The following AFF2 variants were observed in gnomAD, a reference collection of about 807,000 sequenced individuals.
AFF2 encodes the protein ALF transcription elongation factor 2.
AFF2 carries 14 observed loss-of-function variants against 76.9 expected under a neutral mutation model. That is an observed-to-expected ratio of 0.18 (90% confidence interval 0.12 to 0.28). AFF2 has a LOEUF of 0.28. Among genes scored for constraint, AFF2 ranks in the 10% least tolerant of loss-of-function variants. AFF2 has a pLI of 1.00. For missense variants in AFF2, 868 were observed against 1,001.1 expected, an observed-to-expected ratio of 0.87 and a Z score of 1.79; for synonymous variants, 398 against 366.7, an observed-to-expected ratio of 1.09 and a Z score of -0.98.
intron 1 of AFF2, among the ~76,000 whole-genome samples, chrX:148,582,967 T>G (rs1193148724): frequency 1.5e-5 from 1 of 65,599 alleles, no homozygotes; most frequent in African/African-American, 4.4e-5. Context: ...TTGGACAACC[T>G]TGAAAACATG....
At chrX:148,764,849 A>G (rs1287710095) in intron 3 of AFF2, among the ~76,000 whole-genome samples, 1 of 111,744 alleles carries the variant, frequency 8.9e-6, no homozygotes, top group Non-Finnish European at 1.9e-5. Context: ...TGCGCATCCC[A>G]TTGACAAATT....
intron 3 of AFF2, among the ~76,000 whole-genome samples, chrX:148,746,682 A>C (rs1603293377): frequency 1.8e-5 from 2 of 112,829 alleles, no homozygotes; most frequent in East Asian, 5.6e-4. Context: ...CGTTTCCTGC[A>C]ACTTCCTATC....
intron 7 of AFF2, among the ~76,000 whole-genome samples, chrX:148,877,491 T>C (rs781822513): frequency 1.4e-3 from 155 of 112,833 alleles, no homozygotes; most frequent in Non-Finnish European, 2.5e-3. Flanking sequence ...TATAAATAAC[T>C]GAGCAACAAT....
intron 3 of AFF2, among the ~76,000 whole-genome samples, chrX:148,748,684 G>A (rs1557266261): frequency 1.8e-5 from 2 of 111,390 alleles, no homozygotes; most frequent in African/African-American, 3.3e-5. Context: ...TTGACTGGGG[G>A]GCTCAGAGAG....
intron 8 of AFF2, among the ~76,000 whole-genome samples, chrX:148,898,749 C>A (rs1468000268): frequency 9.0e-6 from 1 of 111,514 alleles, no homozygotes; most frequent in African/African-American, 3.3e-5. Context: ...AATGTCCAGG[C>A]CTATGAGTTT....
chrX:148,743,477 T>C (rs1210845671), intron 3 of AFF2, among the ~76,000 whole-genome samples: 1 of 112,396 alleles, frequency 8.9e-6, no homozygotes, highest in Non-Finnish European at 1.9e-5. Flanking sequence ...ATTTTGTTCT[T>C]CATGGCTTGT....
chrX:148,599,848 A>G (rs1429732738), intron 1 of AFF2, among the ~76,000 whole-genome samples: 1 of 111,941 alleles, frequency 8.9e-6, no homozygotes, highest in Non-Finnish European at 1.9e-5. Context: ...TCGAACTTGA[A>G]CAATTCATGC....
chrX:148,765,550 T>G (rs1557267635), intron 3 of AFF2, among the ~76,000 whole-genome samples: 1 of 111,673 alleles, frequency 9.0e-6, no homozygotes, highest in Admixed American at 9.5e-5. Context: ...TAGATCTTAG[T>G]TGTATAGCAT....
At chrX:148,701,012 A>AGAGAGTGTG (rs782232655) in intron 3 of AFF2, among the ~76,000 whole-genome samples, 6 of 73,731 alleles carry the variant, frequency 8.1e-5, no homozygotes, top group East Asian at 4.3e-4. Context: ...GAGAGAGAGA[A>AGAGAGTGTG]TGTGTGTGTG....
At chrX:148,504,346 A>G (rs966121930) in intron 1 of AFF2, among the ~76,000 whole-genome samples, 1 of 111,996 alleles carries the variant, frequency 8.9e-6, no homozygotes, top group Admixed American at 9.4e-5. Flanking sequence ...CATTCTTAAA[A>G]AAAAGAAAAG....
At chrX:148,730,399 G>A (rs1557264578) in intron 3 of AFF2, among the ~76,000 whole-genome samples, 1 of 111,840 alleles carries the variant, frequency 8.9e-6, no homozygotes, top group Non-Finnish European at 1.9e-5. Context: ...CTTTATTGAT[G>A]ACCTAAGGAC....
intron 15 of AFF2, among the ~76,000 whole-genome samples, chrX:148,972,783 A>T (rs2072273675): frequency 5.8e-4 from 1 of 1,726 alleles, no homozygotes; most frequent in Non-Finnish European, 1.3e-3. Context: ...GTTTAATTAG[A>T]TCCCATTTGT....
intron 7 of AFF2, among the ~76,000 whole-genome samples, chrX:148,866,473 C>T (rs2070908713): frequency 8.9e-6 from 1 of 112,542 alleles, no homozygotes; most frequent in South Asian, 3.7e-4. Flanking sequence ...ATTCCTGCAA[C>T]CTGCTGTGCA....
At chrX:148,858,647 T>G (rs2070812418) in intron 7 of AFF2, among the ~76,000 whole-genome samples, 1 of 111,402 alleles carries the variant, frequency 9.0e-6, no homozygotes, top group South Asian at 3.7e-4. Context: ...AAATATCAAT[T>G]CGTTTTGTTC....
Position 148,673,704 on chromosome X carries a change from G to T in AFF2, c.1041+10936G>T, listed in dbSNP as rs1025265571. ...CCATTTTTCAGACTAAGAATAGAGG[G>T]AGTCTATGCTGTGCTCAATGTGAAA... On this transcript the variant is annotated intron_variant, in intron 3 of 20. Coordinates refer to ENST00000370460, the MANE Select transcript of AFF2 (RefSeq NM_002025.4). Among the ~76,000 whole-genome samples the T allele has an allele frequency of 8.9e-5, 10 of 111,780 alleles. No individual in the cohort carries two copies. The South Asian group carries it at 2.6e-3, about 29-fold the overall frequency.
intron 1 of AFF2, among the ~76,000 whole-genome samples, chrX:148,584,917 G>C (rs1557245669): frequency 9.0e-6 from 1 of 111,626 alleles, no homozygotes. Flanking sequence ...AGATTTGGCT[G>C]CTGACTTTAC....
chrX:148,892,717 G>A (rs781931065), intron 8 of AFF2, among the ~76,000 whole-genome samples: 3 of 112,060 alleles, frequency 2.7e-5, no homozygotes, highest in Non-Finnish European at 5.6e-5. Context: ...CTCTTTTGAA[G>A]TTGGTGTGCT....
intron 1 of AFF2, among the ~76,000 whole-genome samples, chrX:148,564,159 G>A (rs782087122): frequency 8.9e-6 from 1 of 111,749 alleles, no homozygotes; most frequent in East Asian, 2.8e-4. Flanking sequence ...ATCTATAGCA[G>A]CACTTACCTA....
intron 3 of AFF2, among the ~76,000 whole-genome samples, chrX:148,780,320 T>G (rs1218693658): frequency 8.9e-6 from 1 of 112,227 alleles, no homozygotes; most frequent in Non-Finnish European, 1.9e-5. Context: ...GAGGTTCTCC[T>G]GGATAATATC....
Sources: allele counts gnomAD v4.1 joint callset (sites outside exome capture counted in the v4.1 genomes callset), GRCh38; gene constraint gnomAD v4.1.1; transcripts MANE v1.5; gene names NCBI Gene and HGNC (gene_info 2026-07-23, HGNC 2026-07-21).